TASP1: variants seen among roughly 807,000 people sequenced by gnomAD.
TASP1 encodes taspase 1, also known as threonine aspartase 1.
In TASP1, 16 loss-of-function variants were observed where a neutral mutation model predicts 56.6. The observed-to-expected ratio is 0.28, with a 90% CI of 0.19 to 0.43. The LOEUF (loss-of-function observed/expected upper bound fraction) is 0.43, where lower values mean the gene tolerates loss of function less well. Among genes scored for constraint, TASP1 ranks in the 20% least tolerant of loss-of-function variants. TASP1 has a pLI of 1.00. For missense variants in TASP1, 393 were observed against 511.6 expected, an observed-to-expected ratio of 0.77 and a Z score of 2.24; for synonymous variants, 179 against 184.2, an observed-to-expected ratio of 0.97 and a Z score of 0.23.
chr20:13,191,532 A>C, the TASP1 span, among the ~76,000 whole-genome samples: 1 of 152,228 alleles, frequency 6.6e-6, no homozygotes, highest in Admixed American at 6.5e-5. Context: ...GTGGAAGCTA[A>C]AAACGTTGGT....
intron 13 of TASP1, among the ~76,000 whole-genome samples, chr20:13,408,998 A>G (rs73901158): frequency 0.01 from 1,582 of 151,402 alleles, 30 homozygotes; most frequent in African/African-American, 0.036. Flanking sequence ...TATTTTGATT[A>G]TTTTCTATCT....
chr20:13,286,585 G>A, the TASP1 span, among the ~76,000 whole-genome samples: 319 of 152,216 alleles, frequency 2.1e-3, 2 homozygotes, highest in African/African-American at 4.1e-3. Flanking sequence ...ATGGGGCCTC[G>A]GGGGGCAGAT....
At chr20:13,303,323 T>G in the TASP1 span, among the ~76,000 whole-genome samples, 3 of 152,354 alleles carry the variant, frequency 2.0e-5, no homozygotes, top group East Asian at 3.9e-4. Flanking sequence ...TTTATCTCTA[T>G]GTATTTTGCC....
At chr20:13,565,025 A>T (rs1429742822) in intron 7 of TASP1, among the ~76,000 whole-genome samples, 1 of 151,014 alleles carries the variant, frequency 6.6e-6, no homozygotes, top group Non-Finnish European at 1.5e-5. Context: ...AAAAAAAAAA[A>T]TATGGAAATG....
chr20:13,429,979 C>A (rs1242026376), intron 12 of TASP1, among the ~76,000 whole-genome samples: 2 of 151,748 alleles, frequency 1.3e-5, no homozygotes, highest in Non-Finnish European at 1.5e-5. Flanking sequence ...ACTCTGGGAG[C>A]AATAATGGAG....
At chr20:13,105,388 C>G in the TASP1 span, among the ~76,000 whole-genome samples, 2 of 152,170 alleles carry the variant, frequency 1.3e-5, no homozygotes, top group South Asian at 2.1e-4. Context: ...TCAAACACAA[C>G]GAAGTCCCTG....
chr20:13,215,609 T>G, the TASP1 span, among the ~76,000 whole-genome samples: 1 of 152,224 alleles, frequency 6.6e-6, no homozygotes, highest in African/African-American at 2.4e-5. Context: ...TCAGGAATGC[T>G]TCCAAGAAGC....
intron 13 of TASP1, among the ~76,000 whole-genome samples, chr20:13,406,293 C>T (rs1461844905): frequency 6.6e-6 from 1 of 152,172 alleles, no homozygotes; most frequent in Non-Finnish European, 1.5e-5. Context: ...ACTGTGTTTT[C>T]CAATCCATGA....
intron 8 of TASP1, among the ~76,000 whole-genome samples, chr20:13,550,493 T>C (rs1022570793): frequency 2.6e-5 from 4 of 152,210 alleles, no homozygotes; most frequent in East Asian, 1.9e-4. Flanking sequence ...AAAAAAAATT[T>C]CAAATACCAG....
At chr20:13,365,611 T>C in the TASP1 span, among the ~76,000 whole-genome samples, 3 of 152,080 alleles carry the variant, frequency 2.0e-5, no homozygotes, top group South Asian at 6.2e-4. Flanking sequence ...AGGAACAAAC[T>C]TGGTGTGTTG....
chr20:13,115,172 A>G, the TASP1 span, among the ~76,000 whole-genome samples: 2 of 152,198 alleles, frequency 1.3e-5, no homozygotes, highest in Non-Finnish European at 2.9e-5. Context: ...AATAACATAG[A>G]TAGCCTTTTT....
rs183090885 is a variant in TASP1 at position 13,421,991 on chromosome 20, A to G, written c.1097-4470T>C. On this transcript the variant is annotated intron_variant, in intron 12 of 13. Transcript: ENST00000337743. ...TTTTTTGACAGAGTCTCGCTCTGTC[A>G]CCCAGGCTGGAGTGCAGTGGTGTGA... is the stretch of plus-strand genomic sequence containing the variant. 9.1e-3 allele frequency among the ~76,000 whole-genome samples: 1,271 copies of G among 139,654 alleles called. 24 individuals are homozygous for G. The highest frequency in any genetic ancestry group is 0.033 in the African/African-American group (1,187 of 35,704). 91.6% of individuals were successfully genotyped at this position (139,654 alleles called of 152,430 possible).
At chr20:13,210,667 C>T in the TASP1 span, among the ~76,000 whole-genome samples, 2 of 148,176 alleles carry the variant, frequency 1.3e-5, no homozygotes, top group African/African-American at 2.5e-5. Context: ...AAGAACTATA[C>T]CAGAGGTAAA....
the TASP1 span, among the ~76,000 whole-genome samples, chr20:13,106,450 ATTGACG>A: frequency 6.6e-6 from 1 of 152,178 alleles, no homozygotes; most frequent in Non-Finnish European, 1.5e-5. Context: ...GTTCTGTATT[ATTGACG>A]AGAAGAGTTT....
chr20:13,208,926 T>G, the TASP1 span, among the ~76,000 whole-genome samples: 2 of 152,232 alleles, frequency 1.3e-5, no homozygotes, highest in Non-Finnish European at 2.9e-5. Context: ...GGGGTTGTTA[T>G]GCATCGGTAG....
At chr20:13,524,809 C>T (rs1427089814) in intron 10 of TASP1, among the ~76,000 whole-genome samples, 4 of 152,154 alleles carry the variant, frequency 2.6e-5, no homozygotes, top group African/African-American at 9.7e-5. Context: ...CCTCTAGATG[C>T]AAGCGGTTCG....
chr20:13,245,792 C>G, the TASP1 span, among the ~76,000 whole-genome samples: 1 of 152,206 alleles, frequency 6.6e-6, no homozygotes, highest in African/African-American at 2.4e-5. Context: ...CCAATCATTC[C>G]CCTTTCCATG....
At chr20:13,358,358 G>C in the TASP1 span, among the ~76,000 whole-genome samples, 1 of 152,202 alleles carries the variant, frequency 6.6e-6, no homozygotes, top group Non-Finnish European at 1.5e-5. Context: ...TGGATGGGGG[G>C]ACCTCCCTTG....
chr20:13,286,555 G>C, the TASP1 span, among the ~76,000 whole-genome samples: 2 of 152,156 alleles, frequency 1.3e-5, no homozygotes, highest in African/African-American at 4.8e-5. Context: ...ATTCTTTTTG[G>C]GGGATTGGGA....
Sources: allele counts gnomAD v4.1 joint callset (sites outside exome capture counted in the v4.1 genomes callset), GRCh38; gene constraint gnomAD v4.1.1; transcripts MANE v1.5; gene names NCBI Gene and HGNC (gene_info 2026-07-23, HGNC 2026-07-21).